CFAP47: variants seen among roughly 807,000 people sequenced by gnomAD.
CFAP47 encodes cilia- and flagella-associated protein 47.
Under a neutral mutation model 148.1 loss-of-function variants are expected in CFAP47, and 29 were observed. The ratio of observed to expected loss-of-function variants is 0.20; its 90% CI spans 0.15 to 0.27. CFAP47 has a LOEUF of 0.27. Among genes scored for constraint, CFAP47 ranks in the 10% least tolerant of loss-of-function variants. The probability of loss-of-function intolerance (pLI) is 1.00; values close to 1 mark genes in which losing one functional copy is unlikely to be tolerated. For synonymous variants in CFAP47, 664 were observed against 577.3 expected, an observed-to-expected ratio of 1.15 and a Z score of -2.15; for missense variants, 1,872 against 1,697.5, an observed-to-expected ratio of 1.10 and a Z score of -1.81.
rs190942404 is a variant in CFAP47, at chrX:36,264,872, G to A, written c.7444+13428G>A. 3.1e-3 allele frequency among the ~76,000 whole-genome samples: 347 copies of A among 111,919 alleles called. 1 individual carries two copies. The highest frequency in any genetic ancestry group is 0.01 in the African/African-American group (320 of 30,786). ...CTTTGACTTTCTTCTTTTTGCTTAG[G>A]ATTGCTTTGACTATTTGGGCACTTT... is the stretch of plus-strand genomic sequence containing the variant. On this transcript the variant is annotated intron_variant, in intron 49 of 63. Coordinates refer to ENST00000378653, the MANE Select transcript of CFAP47 (RefSeq NM_001304548.2).
At chrX:36,131,825 A>C (rs73197128) in intron 33 of CFAP47, among the ~76,000 whole-genome samples, 4,063 of 111,343 alleles carry the variant, frequency 0.036, 109 homozygotes, top group African/African-American at 0.087. Flanking sequence ...CGGAATGTAC[A>C]TTCATTTATG....
chrX:35,965,050 A>G (rs994478863), intron 8 of CFAP47, among the ~76,000 whole-genome samples: 3 of 111,613 alleles, frequency 2.7e-5, no homozygotes, highest in African/African-American at 9.7e-5. Context: ...TATTTTTTTC[A>G]TGTTGAAAAC....
chrX:36,231,625 C>T (rs1327132171), intron 46 of CFAP47, among the ~76,000 whole-genome samples: 5 of 110,959 alleles, frequency 4.5e-5, no homozygotes, highest in Non-Finnish European at 7.6e-5. Flanking sequence ...GCCTGACTGC[C>T]CTGGCCAGAA....
intron 22 of CFAP47, among the ~76,000 whole-genome samples, chrX:36,025,696 G>T (rs923798691): frequency 1.8e-5 from 2 of 111,836 alleles, no homozygotes; most frequent in African/African-American, 6.5e-5. Context: ...CAGTTTGATT[G>T]CTCATGAGGA....
chrX:36,303,904 C>G lies in CFAP47; in HGVS notation c.8026C>G (p.Gln2676Glu), dbSNP rs1459264740. The G allele has an allele frequency of 7.0e-6, 8 of 1,147,323 alleles. No individual in the cohort carries two copies. In the African/African-American group the frequency reaches 9.0e-5, roughly 13 times the overall value. The allele number at this position is 1,147,323 out of a possible 1,213,427, so 94.6% of individuals were successfully genotyped here. A position where few individuals can be genotyped will look rare whatever the true frequency, so the allele number is the denominator to read the frequency against. Reference sequence around the variant, plus strand: ...TTGTACGCATGAAACCTTAAAATTGCAAGTAACAAACAGTAATCCTGAAAA... The same window carrying G: ...TTGTACGCATGAAACCTTAAAATTGGAAGTAACAAACAGTAATCCTGAAAA... ...VNCTHETLKLQVTNSNPENFV... is the reference protein window; with the variant it reads ...VNCTHETLKLEVTNSNPENFV... The change falls in exon 54 of 64, where the codon CAA becomes GAA. Residue 2676 changes from glutamine to glutamate, a missense_variant. Coordinates refer to ENST00000378653, the MANE Select transcript of CFAP47 (RefSeq NM_001304548.2).
intron 62 of CFAP47, among the ~76,000 whole-genome samples, chrX:36,376,768 TCCC>T (rs1289717679): frequency 1.2e-5 from 1 of 82,200 alleles, no homozygotes; most frequent in South Asian, 9.0e-4. Context: ...ATGCTATCCC[TCCC>T]CCCTCCCCCC....
chrX:36,296,751 C>A (rs1941246298), intron 51 of CFAP47, among the ~76,000 whole-genome samples: 1 of 111,742 alleles, frequency 8.9e-6, no homozygotes, highest in Non-Finnish European at 1.9e-5. Context: ...TTTCCATCTT[C>A]TGTCTTATGC....
chrX:36,040,126 G>A (rs751724242), intron 25 of CFAP47, among the ~76,000 whole-genome samples: 1 of 111,613 alleles, frequency 9.0e-6, no homozygotes, highest in Non-Finnish European at 1.9e-5. Context: ...GCACCAAAGT[G>A]AAATGATAGG....
intron 33 of CFAP47, among the ~76,000 whole-genome samples, chrX:36,135,158 G>C (rs1197801975): frequency 2.7e-5 from 3 of 110,332 alleles, no homozygotes; most frequent in African/African-American, 6.6e-5. Flanking sequence ...AAGGGAGTGA[G>C]GGATAAAAGG....
At chrX:35,960,380 G>GGAAAAAAAAAAAAAAAAAAAAAAAAAAAA (rs1227681980) in intron 8 of CFAP47, among the ~76,000 whole-genome samples, 3 of 15,489 alleles carry the variant, frequency 1.9e-4, no homozygotes, top group African/African-American at 7.9e-4. Context: ...GCTAATTTCT[G>GGAAAAAAAAAAAAAAAAAAAAAAAAAAAA]AAAAAAAAAA....
Position 36,251,463 on chromosome X carries a change from A to C in CFAP47, c.7444+19A>C. 2 of 478,329 alleles carry C rather than the reference A, an allele frequency of 4.2e-6. No individual in the cohort carries two copies. The highest frequency in any genetic ancestry group is 7.4e-6 in the Non-Finnish European group (2 of 270,715). 39.4% of individuals were successfully genotyped at this position (478,329 alleles called of 1,213,427 possible). On this transcript the variant is annotated intron_variant, in intron 49 of 63. Coordinates refer to ENST00000378653, the MANE Select transcript of CFAP47 (RefSeq NM_001304548.2). ...TTGAAAGGTATAAAATCCATTAATAAAATATTAGTCATTTTCCTACTACGC... is the reference window on the plus strand; with the variant it reads ...TTGAAAGGTATAAAATCCATTAATACAATATTAGTCATTTTCCTACTACGC...
chrX:35,989,416 A>G lies in CFAP47; in HGVS notation c.2811A>G (p.Gln937=). The G allele has an allele frequency of 1.7e-6, 2 of 1,210,927 alleles. No homozygotes were observed. The highest frequency in any genetic ancestry group is 2.2e-6 in the Non-Finnish European group (2 of 894,715). ...GAGAATTTATTCTTCATGTCTTTCA[A>G]GGAAACGCGTTGAAGCTAAAATGTG... ...EEGEFILHVF[Q]GNALKLKCVA... is the part of the protein sequence containing the mutation. Residue 937 remains glutamine (Q), a synonymous_variant, in exon 16 of 64, where the codon CAA becomes CAG. Coordinates refer to ENST00000378653, the MANE Select transcript of CFAP47 (RefSeq NM_001304548.2).
intron 24 of CFAP47, among the ~76,000 whole-genome samples, chrX:36,036,322 C>T (rs1309162887): frequency 9.1e-6 from 1 of 109,329 alleles, no homozygotes; most frequent in Non-Finnish European, 1.9e-5. Flanking sequence ...CAGTGTCTGA[C>T]TTATTTTACT....
At chrX:36,130,335 A>G (rs942103218) in intron 33 of CFAP47, among the ~76,000 whole-genome samples, 2 of 111,643 alleles carry the variant, frequency 1.8e-5, no homozygotes, top group African/African-American at 6.5e-5. Flanking sequence ...GCTCAACATC[A>G]TTGATCATCA....
At chrX:35,967,078 A>G (rs1936418234) in intron 9 of CFAP47, among the ~76,000 whole-genome samples, 1 of 111,322 alleles carries the variant, frequency 9.0e-6, no homozygotes, top group East Asian at 2.8e-4. Context: ...ACACATTTTT[A>G]CAATGTTCCC....
intron 3 of CFAP47, among the ~76,000 whole-genome samples, chrX:35,945,382 T>G (rs950653874): frequency 3.6e-5 from 4 of 111,625 alleles, no homozygotes; most frequent in African/African-American, 6.5e-5. Context: ...CAGACTCTTA[T>G]GTTTCTTCAG....
intron 2 of CFAP47, among the ~76,000 whole-genome samples, chrX:35,940,935 C>A (rs1159593364): frequency 2.7e-5 from 3 of 111,396 alleles, no homozygotes; most frequent in African/African-American, 9.8e-5. Flanking sequence ...TAAGTACTTA[C>A]ATCTTGTACT....
At chrX:36,007,704 CAT>C (rs1936996455) in intron 21 of CFAP47, among the ~76,000 whole-genome samples, 1 of 111,888 alleles carries the variant, frequency 8.9e-6, no homozygotes, top group South Asian at 3.7e-4. Context: ...TGGATAAAAA[CAT>C]ATTTTATGCA....
At chrX:36,093,007 A>T (rs1412436076) in intron 30 of CFAP47, among the ~76,000 whole-genome samples, 1 of 110,783 alleles carries the variant, frequency 9.0e-6, no homozygotes, top group Non-Finnish European at 1.9e-5. Flanking sequence ...AGAACATCTG[A>T]CTTTGGTCTT....
Sources: allele counts gnomAD v4.1 joint callset (sites outside exome capture counted in the v4.1 genomes callset), GRCh38; gene constraint gnomAD v4.1.1; transcripts MANE v1.5; gene names NCBI Gene and HGNC (gene_info 2026-07-23, HGNC 2026-07-21).